The following DCC variants were observed in gnomAD, a reference collection of about 807,000 sequenced individuals.
The protein encoded by DCC is DCC netrin 1 receptor, also known as netrin receptor DCC.
DCC carries 58 observed loss-of-function variants against 172.5 expected under a neutral mutation model. The ratio of observed to expected loss-of-function variants is 0.34; its 90% CI spans 0.27 to 0.42. The LOEUF is 0.42. Among genes scored for constraint, DCC ranks in the 10% least tolerant of loss-of-function variants. The probability of loss-of-function intolerance (pLI) is 1.00; values close to 1 mark genes in which losing one functional copy is unlikely to be tolerated. For synonymous variants in DCC, 709 were observed against 644.5 expected (o/e 1.10, Z -1.52); for missense variants, 1,740 against 1,791.0 (o/e 0.97, Z 0.51).
chr18:53,262,200 A>T (rs1463536774), intron 12 of DCC, among the ~76,000 whole-genome samples: 2 of 152,212 alleles, frequency 1.3e-5, no homozygotes, highest in African/African-American at 4.8e-5. Flanking sequence ...TTTAGCCTAC[A>T]CACTACTCTA....
intron 8 of DCC, among the ~76,000 whole-genome samples, chr18:53,175,075 C>A (rs2055070428): frequency 1.3e-5 from 2 of 151,838 alleles, no homozygotes; most frequent in Admixed American, 6.6e-5. Flanking sequence ...AAGACAAAAA[C>A]CACATGATTA....
At position 53,349,675 on chromosome 18, in the gene DCC, A is replaced by C. The variant is rs567374357; in HGVS notation, c.2359+9768A>C. ...CAAGGAAGAGCAAATCACAACCTACATGACTGGCAGCAGGCCAAAAGAGAG... is the reference window on the plus strand; with the variant it reads ...CAAGGAAGAGCAAATCACAACCTACCTGACTGGCAGCAGGCCAAAAGAGAG... On this transcript the variant is annotated intron_variant, in intron 15 of 28. Coordinates refer to ENST00000442544, the MANE Select transcript of DCC (RefSeq NM_005215.4). 2.0e-5 allele frequency among the ~76,000 whole-genome samples: 3 copies of C among 152,316 alleles called. No individual in the cohort carries two copies. In the East Asian group the frequency reaches 5.8e-4, roughly 29 times the overall value.
intron 1 of DCC, among the ~76,000 whole-genome samples, chr18:52,694,562 A>G (rs1325537614): frequency 6.6e-6 from 1 of 151,968 alleles, no homozygotes; most frequent in African/African-American, 2.4e-5. Context: ...AATTTATTTT[A>G]TATTTTTAAA....
At chr18:52,995,850 G>C (rs999652851) in intron 5 of DCC, among the ~76,000 whole-genome samples, 3 of 150,716 alleles carry the variant, frequency 2.0e-5, no homozygotes, top group Non-Finnish European at 3.0e-5. Flanking sequence ...CCCCCTTTTT[G>C]CCCTTGAGTG....
intron 14 of DCC, among the ~76,000 whole-genome samples, chr18:53,332,767 A>T (rs938269936): frequency 1.4e-5 from 2 of 147,590 alleles, no homozygotes; most frequent in Non-Finnish European, 3.0e-5. Flanking sequence ...GGAGTGGTGG[A>T]TACCAAAATT....
At chr18:53,442,474 T>G (rs1218530442) in intron 22 of DCC, among the ~76,000 whole-genome samples, 1 of 152,196 alleles carries the variant, frequency 6.6e-6, no homozygotes, top group Non-Finnish European at 1.5e-5. Flanking sequence ...CTGTTGTGTG[T>G]TCCAGCTGCC....
chr18:53,224,415 G>A (rs548320878), intron 12 of DCC, among the ~76,000 whole-genome samples: 16 of 152,282 alleles, frequency 1.1e-4, no homozygotes, highest in African/African-American at 3.6e-4. Context: ...GCTTTGTAGG[G>A]TGTGATAAAA....
At chr18:52,905,098 CATGCTTATGCTTGT>C (rs1292889679) in intron 2 of DCC, among the ~76,000 whole-genome samples, 8 of 152,100 alleles carry the variant, frequency 5.3e-5, no homozygotes, top group African/African-American at 1.9e-4. Context: ...TCTCTCTCAC[CATGCTTATGCTTGT>C]ATGCATGGTG....
intron 1 of DCC, among the ~76,000 whole-genome samples, chr18:52,688,461 G>T (rs2035876976): frequency 1.3e-5 from 2 of 152,042 alleles, no homozygotes; most frequent in African/African-American, 4.8e-5. Context: ...GCTCTTTCAG[G>T]TCTTTTATCT....
chr18:53,312,361 A>AAAG (rs1449253074), intron 13 of DCC, among the ~76,000 whole-genome samples: 1 of 56,348 alleles, frequency 1.8e-5, no homozygotes, highest in Non-Finnish European at 3.5e-5. Context: ...AAAAAAAAAA[A>AAAG]AAGAAAAAGA....
chr18:52,911,610 T>C (rs955922771), intron 3 of DCC, among the ~76,000 whole-genome samples: 1 of 151,994 alleles, frequency 6.6e-6, no homozygotes, highest in Non-Finnish European at 1.5e-5. Flanking sequence ...TTGTTGATGA[T>C]TGGGCATTGC....
intron 2 of DCC, among the ~76,000 whole-genome samples, chr18:52,893,949 A>C (rs534551749): frequency 1.1e-4 from 17 of 152,170 alleles, no homozygotes; most frequent in Non-Finnish European, 2.2e-4. Flanking sequence ...GAGAAAAAAC[A>C]TAAGTTTTCG....
chr18:52,908,875 A>C (rs2039928003), intron 3 of DCC, among the ~76,000 whole-genome samples: 1 of 152,176 alleles, frequency 6.6e-6, no homozygotes, highest in Non-Finnish European at 1.5e-5. Context: ...CTTTAGAAAA[A>C]ATTGAGTTAA....
chr18:52,903,086 G>T (rs1275381928), intron 2 of DCC, among the ~76,000 whole-genome samples: 1 of 152,152 alleles, frequency 6.6e-6, no homozygotes. Flanking sequence ...GAAACCAATT[G>T]TTGAGTATCA....
intron 7 of DCC, among the ~76,000 whole-genome samples, chr18:53,109,099 G>C (rs563725649): frequency 6.6e-6 from 1 of 151,358 alleles, no homozygotes; most frequent in Admixed American, 6.6e-5. Flanking sequence ...TTTATGGGCA[G>C]GTATAGAATC....
intron 12 of DCC, among the ~76,000 whole-genome samples, chr18:53,246,306 T>G (rs1390899059): frequency 6.6e-6 from 1 of 152,058 alleles, no homozygotes; most frequent in African/African-American, 2.4e-5. Flanking sequence ...TCACTTTCTT[T>G]CAAATGTAAT....
intron 7 of DCC, among the ~76,000 whole-genome samples, chr18:53,090,401 G>T (rs930854196): frequency 6.6e-6 from 1 of 151,792 alleles, no homozygotes; most frequent in South Asian, 2.1e-4. Context: ...GCATTTTGAG[G>T]GGTGACATAA....
intron 2 of DCC, among the ~76,000 whole-genome samples, chr18:52,878,437 T>G (rs1044022588): frequency 6.6e-6 from 1 of 152,210 alleles, no homozygotes; most frequent in Admixed American, 6.5e-5. Flanking sequence ...TGGGACTGCA[T>G]TAGTGTTACA....
chr18:53,359,814 A>G (rs949034935), intron 15 of DCC, among the ~76,000 whole-genome samples: 1 of 152,116 alleles, frequency 6.6e-6, no homozygotes, highest in Non-Finnish European at 1.5e-5. Flanking sequence ...TCCAGAGCCT[A>G]ATTTCTGATG....
Sources: gnomAD v4.1 joint callset for allele counts (sites outside exome capture counted in the v4.1 genomes callset) on GRCh38, gnomAD v4.1.1 for gene constraint, MANE v1.5 for transcripts, NCBI Gene and HGNC (gene_info 2026-07-23, HGNC 2026-07-21) for gene names.